Variants in ZNF676 observed in about 807,000 individuals in gnomAD.
The protein encoded by ZNF676 is zinc finger protein 676.
A neutral mutation model predicts 6.0 loss-of-function variants in ZNF676; 4 were observed. The observed-to-expected ratio is 0.67, with a 90% confidence interval of 0.33 to 1.53. The LOEUF (loss-of-function observed/expected upper bound fraction) is 1.53. ZNF676 is among the 40% of genes most tolerant of loss of function. The pLI is 0.06. For synonymous variants in ZNF676, 198 were observed against 223.1 expected, an observed-to-expected ratio of 0.89 and a Z score of 1.00; for missense variants, 644 against 679.7, an observed-to-expected ratio of 0.95 and a Z score of 0.58.
the ZNF676 span, among the ~76,000 whole-genome samples, chr19:22,233,551 G>A: frequency 2.9e-5 from 4 of 140,134 alleles, no homozygotes; most frequent in South Asian, 2.3e-4. Context: ...TCTGAAATTT[G>A]TTGTTTATTT....
intron 1 of ZNF676, chr19:22,215,540 T>G: frequency 6.9e-7 from 1 of 1,450,690 alleles, no homozygotes; most frequent in Non-Finnish European, 9.6e-7. Context: ...TGGAGCTGAC[T>G]GCGGGTAGGC....
At chr19:22,247,436 T>C in the ZNF676 span, among the ~76,000 whole-genome samples, 30 of 152,084 alleles carry the variant, frequency 2.0e-4, no homozygotes, top group African/African-American at 6.7e-4. Context: ...TGTTGACATA[T>C]GCCTGCAATC....
chr19:22,230,580 CTATA>C, the ZNF676 span, among the ~76,000 whole-genome samples: 6 of 150,820 alleles, frequency 4.0e-5, no homozygotes, highest in African/African-American at 1.5e-4. Flanking sequence ...ATAATCATAT[CTATA>C]TATGAATGCA....
the ZNF676 span, among the ~76,000 whole-genome samples, chr19:22,235,038 A>G: frequency 6.7e-6 from 1 of 150,344 alleles, no homozygotes; most frequent in Non-Finnish European, 1.5e-5. Context: ...GAAAGAAAAG[A>G]AAAGAAGGAA....
the ZNF676 span, among the ~76,000 whole-genome samples, chr19:22,221,065 T>A: frequency 6.6e-6 from 1 of 152,238 alleles, no homozygotes; most frequent in African/African-American, 2.4e-5. Flanking sequence ...ATTTCAAATT[T>A]ATTTAGTTCT....
At chr19:22,185,403 G>A (rs1296058724) in intron 2 of ZNF676, among the ~76,000 whole-genome samples, 1 of 151,614 alleles carries the variant, frequency 6.6e-6, no homozygotes, top group African/African-American at 2.4e-5. Context: ...AATCCATAAA[G>A]ATGGGGAGAA....
rs774206055 is a variant in ZNF676, at chr19:22,180,264, C to T, written c.1453G>A (p.Gly485Ser). The T allele has an allele frequency of 1.2e-6, 2 of 1,612,574 alleles. No individual in the cohort carries two copies. The highest frequency in any genetic ancestry group is 1.7e-6 in the Non-Finnish European group (2 of 1,178,780). The change falls in exon 3 of 3, where the codon GGC becomes AGC. Residue 485 changes from glycine (G) to serine (S), a missense_variant. Gly to Ser is a moderately conservative substitution (Grantham distance 56, BLOSUM62 0). This residue lies in a region of ZNF676 where 306 missense variants were observed against 265.4 expected (regional missense o/e 1.15). Coordinates refer to ENST00000397121, the MANE Select transcript of ZNF676 (RefSeq NM_001001411.3). ...GTAAGGATTGAGAACGTACTAAAGCCTTTGCCACATTCTTCACATTTGTAA... is the reference window on the plus strand; with the variant it reads ...GTAAGGATTGAGAACGTACTAAAGCTTTTGCCACATTCTTCACATTTGTAA... ...KPYKCEECGKGFSTFSILTKH... is the reference protein window; with the variant it reads ...KPYKCEECGKSFSTFSILTKH...
At chr19:22,216,100 G>T (rs1481402550), upstream of ZNF676, among the ~76,000 whole-genome samples, 1 of 152,162 alleles carries the variant, frequency 6.6e-6, no homozygotes, top group Non-Finnish European at 1.5e-5. Flanking sequence ...TAAAACTTTT[G>T]TACAAGAGTA....
rs2023704591 is a variant in ZNF676 at position 22,179,869 on chromosome 19, T to C, written c.*81A>G. 16 of 1,468,694 alleles carry C rather than the reference T, an allele frequency of 1.1e-5. No homozygotes were observed. Among genetic ancestry groups the C allele is most frequent in the Middle Eastern group, 1.8e-4 (1 of 5,710 alleles). 91.0% of individuals were successfully genotyped at this position (1,468,694 alleles called of 1,614,324 possible). A position where few individuals can be genotyped will look rare whatever the true frequency, so the allele number is the denominator to read the frequency against. Reference sequence around the variant, plus strand: ...AGCTTTGCCACATTCTTCACCTTTGTAGATTTTCTCTCCAGTATGAATTTT... The same window carrying C: ...AGCTTTGCCACATTCTTCACCTTTGCAGATTTTCTCTCCAGTATGAATTTT... On this transcript the variant is annotated 3_prime_UTR_variant, in exon 3 of 3. Coordinates refer to ENST00000397121, the MANE Select transcript of ZNF676 (RefSeq NM_001001411.3).
intron 2 of ZNF676, among the ~76,000 whole-genome samples, chr19:22,190,709 A>G (rs1216121845): frequency 6.8e-6 from 1 of 147,078 alleles, no homozygotes; most frequent in Non-Finnish European, 1.5e-5. Context: ...AGTCATTTAC[A>G]TAGCAATAAT....
intron 2 of ZNF676, among the ~76,000 whole-genome samples, chr19:22,185,771 G>A (rs2023829934): frequency 6.6e-6 from 1 of 152,144 alleles, no homozygotes; most frequent in African/African-American, 2.4e-5. Flanking sequence ...TAATGCAGAA[G>A]AAAGGATATC....
the ZNF676 span, among the ~76,000 whole-genome samples, chr19:22,258,095 G>A: frequency 6.6e-6 from 1 of 152,044 alleles, no homozygotes; most frequent in African/African-American, 2.4e-5. Flanking sequence ...GCAAAGACCA[G>A]GCAGAAGAAT....
At chr19:22,192,732 C>CAAACA (rs71922401) in intron 2 of ZNF676, among the ~76,000 whole-genome samples, 6 of 151,318 alleles carry the variant, frequency 4.0e-5, no homozygotes, top group African/African-American at 1.2e-4. Context: ...TCCACAAAAA[C>CAAACA]AAAAAAAAGT....
intron 1 of ZNF676, among the ~76,000 whole-genome samples, chr19:22,195,374 A>C (rs999001441): frequency 6.6e-6 from 1 of 152,188 alleles, no homozygotes; most frequent in Admixed American, 6.5e-5. Context: ...GATTTCTAAT[A>C]ATCTGTCCAA....
At chr19:22,209,074 G>C (rs1204419772) in intron 1 of ZNF676, among the ~76,000 whole-genome samples, 1 of 152,164 alleles carries the variant, frequency 6.6e-6, no homozygotes, top group Non-Finnish European at 1.5e-5. Context: ...AGACCAGCCT[G>C]GCCAACATGG....
At chr19:22,230,657 G>GTA in the ZNF676 span, among the ~76,000 whole-genome samples, 3 of 124,536 alleles carry the variant, frequency 2.4e-5, no homozygotes, top group South Asian at 2.6e-4. Flanking sequence ...ATATGTATTT[G>GTA]TATATATATA....
intron 1 of ZNF676, among the ~76,000 whole-genome samples, chr19:22,214,034 A>T (rs2024158983): frequency 6.6e-6 from 1 of 152,258 alleles, no homozygotes; most frequent in Admixed American, 6.5e-5. Context: ...TTTGTCAAAA[A>T]ATGATTACAA....
chr19:22,247,591 A>G, the ZNF676 span, among the ~76,000 whole-genome samples: 1 of 150,696 alleles, frequency 6.6e-6, no homozygotes, highest in Non-Finnish European at 1.5e-5. Context: ...AGGGGGTTAG[A>G]GGCCCCTCTC....
chr19:22,215,722 A>C, exon 1 of ZNF676: 1 of 1,552,320 alleles, frequency 6.4e-7, no homozygotes, highest in Non-Finnish European at 8.8e-7. Context: ...GGACTCTAGG[A>C]ACAGTAAGGA....
Sources: allele counts gnomAD v4.1 joint callset (sites outside exome capture counted in the v4.1 genomes callset), GRCh38; gene constraint gnomAD v4.1.1; regional missense constraint gnomAD v4.1.1; transcripts MANE v1.5; gene names NCBI Gene and HGNC (gene_info 2026-07-23, HGNC 2026-07-21).